Variants in LARS2 observed in about 807,000 individuals in gnomAD.
LARS2 encodes the protein leucine--tRNA ligase, mitochondrial.
LARS2 carries 81 observed loss-of-function variants against 116.6 expected under a neutral mutation model. That is an observed-to-expected ratio of 0.69 (90% CI 0.58 to 0.84). LARS2 has a LOEUF of 0.84. Among genes scored for constraint, LARS2 ranks in the 40% least tolerant of loss-of-function variants. The pLI, the probability that LARS2 is intolerant of heterozygous loss-of-function variation, is 0.00. For missense variants in LARS2, 968 were observed against 1,114.5 expected (o/e 0.87, Z 1.87); for synonymous variants, 396 against 407.2 (o/e 0.97, Z 0.33).
At chr3:45,458,192 A>G (rs1473889459) in intron 7 of LARS2, among the ~76,000 whole-genome samples, 1 of 152,138 alleles carries the variant, frequency 6.6e-6, no homozygotes, top group Non-Finnish European at 1.5e-5. Context: ...TCATCCTTTC[A>G]TATAAGATAC....
At chr3:45,482,989 C>T (rs9831212) in intron 10 of LARS2, among the ~76,000 whole-genome samples, 2,713 of 152,302 alleles carry the variant, frequency 0.018, 71 homozygotes, top group African/African-American at 0.058. Flanking sequence ...CCTTTGAGGC[C>T]GTGACCTAGC....
chr3:45,538,380 C>G (rs1233231705), intron 20 of LARS2: 1 of 152,230 alleles, frequency 6.6e-6, no homozygotes, highest in Non-Finnish European at 1.5e-5. Context: ...TTTTGGAAAT[C>G]TTCCCGCTGC....
chr3:45,474,120 G>A, intron 8 of LARS2, 123 bp from the exon 9 acceptor site: 1 of 561,290 alleles, frequency 1.8e-6, no homozygotes, highest in Non-Finnish European at 3.2e-6. Flanking sequence ...AACAAGGAGA[G>A]AGCTAAATCC....
intron 20 of LARS2, among the ~76,000 whole-genome samples, chr3:45,524,481 C>T (rs1045085440): frequency 1.3e-5 from 2 of 152,194 alleles, no homozygotes; most frequent in African/African-American, 4.8e-5. Context: ...TAGGTCTAAA[C>T]TTACACTGTA....
chr3:45,532,458 T>C (rs1294656566), intron 20 of LARS2, among the ~76,000 whole-genome samples: 1 of 152,242 alleles, frequency 6.6e-6, no homozygotes. Flanking sequence ...GACCATGTCA[T>C]GGTAGACTTA....
At chr3:45,468,813 C>G (rs1699476011) in intron 8 of LARS2, among the ~76,000 whole-genome samples, 1 of 152,196 alleles carries the variant, frequency 6.6e-6, no homozygotes, top group Non-Finnish European at 1.5e-5. Flanking sequence ...TTCCACAGAT[C>G]ACGTACATGG....
intron 1 of LARS2, among the ~76,000 whole-genome samples, chr3:45,390,099 AG>A (rs985992381): frequency 4.6e-5 from 7 of 150,818 alleles, no homozygotes; most frequent in African/African-American, 1.7e-4. Context: ...CCCCAAAAAA[AG>A]GTGGAATCAG....
At chr3:45,425,226 C>T (rs1018852321) in intron 6 of LARS2, among the ~76,000 whole-genome samples, 3 of 152,078 alleles carry the variant, frequency 2.0e-5, no homozygotes, top group African/African-American at 7.2e-5. Context: ...TTACAACTTT[C>T]GGATGCTGTG....
chr3:45,459,554 T>A (rs1699277700), intron 8 of LARS2, among the ~76,000 whole-genome samples: 1 of 152,216 alleles, frequency 6.6e-6, no homozygotes, highest in African/African-American at 2.4e-5. Flanking sequence ...TCTAGCTCTT[T>A]CCGTGTTCAG....
At chr3:45,439,178 C>T (rs1698859427) in intron 6 of LARS2, among the ~76,000 whole-genome samples, 2 of 147,676 alleles carry the variant, frequency 1.4e-5, no homozygotes, top group Non-Finnish European at 3.0e-5. Flanking sequence ...ATTTCTCTTC[C>T]AGCAAGAGAA....
chr3:45,401,242 C>T (rs762520565), intron 4 of LARS2, among the ~76,000 whole-genome samples: 8 of 152,180 alleles, frequency 5.3e-5, no homozygotes, highest in Non-Finnish European at 1.0e-4. Flanking sequence ...TGGCTCATGC[C>T]TGTAATTCCA....
At chr3:45,488,375 G>T (rs1406696173) in intron 11 of LARS2, among the ~76,000 whole-genome samples, 1 of 152,224 alleles carries the variant, frequency 6.6e-6, no homozygotes, top group Non-Finnish European at 1.5e-5. Context: ...TGAAGTTGCA[G>T]TGAGCCGAGA....
intron 20 of LARS2, 55 bp downstream of exon 20, chr3:45,524,163 C>G (rs1195496457): frequency 1.7e-6 from 2 of 1,202,358 alleles, no homozygotes; most frequent in African/African-American, 1.5e-5. Flanking sequence ...TTTGTCGAAG[C>G]CTCTTTTTGA....
intron 7 of LARS2, 115 bp downstream of exon 7, chr3:45,447,095 C>A: frequency 1.6e-6 from 1 of 612,600 alleles, no homozygotes; most frequent in Non-Finnish European, 2.9e-6. Context: ...CACAGCAGAC[C>A]CAGAACGTAA....
intron 4 of LARS2, among the ~76,000 whole-genome samples, chr3:45,403,892 A>G (rs1183339656): frequency 1.3e-5 from 2 of 152,184 alleles, no homozygotes; most frequent in African/African-American, 4.8e-5. Flanking sequence ...CCTGTATCCC[A>G]CTTTCTTAAT....
rs150891888 is a variant in LARS2 at position 45,494,661 on chromosome 3, G to T, written c.1524-1614G>T. On this transcript the variant is annotated intron_variant, in intron 13 of 21. Transcript: ENST00000645846. ...GGAGTCTCCAAGGCAGCTAATCCCC[G>T]TCCTGTGCTAGGCTTGACTAAGGGC... Among the ~76,000 whole-genome samples the T allele has an allele frequency of 1.2e-3, 180 of 152,284 alleles. 3 individuals are homozygous for T. Among genetic ancestry groups the T allele is most frequent in the African/African-American group, 3.9e-3 (164 of 41,566 alleles).
chr3:45,442,755 A>T (rs1428817911), intron 6 of LARS2, among the ~76,000 whole-genome samples: 1 of 152,138 alleles, frequency 6.6e-6, no homozygotes, highest in Non-Finnish European at 1.5e-5. Flanking sequence ...AACTCACTTA[A>T]CCGCCTCCAT....
chr3:45,439,461 C>T (rs908348039), intron 6 of LARS2, among the ~76,000 whole-genome samples: 8 of 151,990 alleles, frequency 5.3e-5, no homozygotes, highest in East Asian at 1.9e-4. Context: ...CCTCGTGATC[C>T]GCCCACCTTG....
intron 20 of LARS2, among the ~76,000 whole-genome samples, chr3:45,535,775 CCCACAT>C (rs1700696997): frequency 1.3e-4 from 10 of 78,612 alleles, no homozygotes; most frequent in African/African-American, 4.0e-4. Context: ...CACCCCCACA[CCCACAT>C]ACACACACAT....
Sources: gnomAD v4.1 joint callset for allele counts (sites outside exome capture counted in the v4.1 genomes callset) on GRCh38, gnomAD v4.1.1 for gene constraint, MANE v1.5 for transcripts, NCBI Gene and HGNC (gene_info 2026-07-23, HGNC 2026-07-21) for gene names.